The following DPP10 variants were observed in gnomAD, a reference collection of about 807,000 sequenced individuals.
DPP10 encodes the protein dipeptidyl peptidase like 10.
DPP10 carries 33 observed loss-of-function variants against 120.9 expected under a neutral mutation model. The ratio of observed to expected loss-of-function variants is 0.27; its 90% confidence interval spans 0.21 to 0.37. DPP10 has a LOEUF of 0.37. Ranked by LOEUF, DPP10 falls within the 10% of genes least tolerant of loss-of-function variation. The probability of loss-of-function intolerance (pLI) is 1.00; values close to 1 mark genes in which losing one functional copy is unlikely to be tolerated. For synonymous variants in DPP10, 337 were observed against 326.1 expected, an observed-to-expected ratio of 1.03 and a Z score of -0.36; for missense variants, 816 against 942.8, an observed-to-expected ratio of 0.87 and a Z score of 1.76.
rs182454437 is a variant in DPP10, at chr2:115,370,979, A to C, written c.271+27067A>C. On this transcript the variant is annotated intron_variant, in intron 3 of 25. Coordinates refer to ENST00000410059, the MANE Select transcript of DPP10 (RefSeq NM_020868.6). ...CAAAATAACTCCCATTTTTCTGCCCAAAGAGTTGTGAAGGCCTTTGTTATT... is the reference window on the plus strand; with the variant it reads ...CAAAATAACTCCCATTTTTCTGCCCCAAGAGTTGTGAAGGCCTTTGTTATT... Among the ~76,000 whole-genome samples, 77 of 152,266 alleles carry C rather than the reference A, an allele frequency of 5.1e-4. 2 individuals are homozygous for C. In the East Asian group the frequency reaches 0.014, roughly 27 times the overall value.
chr2:114,826,789 A>T, intron 1 of DPP10, among the ~76,000 whole-genome samples: 1 of 152,124 alleles, frequency 6.6e-6, no homozygotes, highest in Non-Finnish European at 1.5e-5. Context: ...CGGCCTCCCA[A>T]AGTGCTGGGA....
intron 1 of DPP10, among the ~76,000 whole-genome samples, chr2:115,275,976 C>T (rs371146035): frequency 3.9e-5 from 6 of 152,128 alleles, no homozygotes; most frequent in East Asian, 1.9e-4. Context: ...GCTGGGATTA[C>T]GGGCGTGAGC....
Position 115,298,260 on chromosome 2 carries a change from G to A in DPP10, c.61-10979G>A, listed in dbSNP as rs533822866. Among the ~76,000 whole-genome samples the A allele has an allele frequency of 2.6e-5, 4 of 152,152 alleles. No homozygotes were observed. The East Asian group carries it at 5.8e-4, about 22-fold the overall frequency. On this transcript the variant is annotated intron_variant, in intron 1 of 25. Transcript: ENST00000410059. ...GGAAGATTCATAAGCCTGATCATGT[G>A]TGTTAGGCATAACTAGTTAGGCTTA...
At chr2:115,253,196 A>G (rs1323127116) in intron 1 of DPP10, among the ~76,000 whole-genome samples, 1 of 152,074 alleles carries the variant, frequency 6.6e-6, no homozygotes, top group Non-Finnish European at 1.5e-5. Context: ...CACACACTTT[A>G]AACAACCAGA....
chr2:114,578,950 C>G (rs1690274937), intron 1 of DPP10, among the ~76,000 whole-genome samples: 1 of 152,202 alleles, frequency 6.6e-6, no homozygotes, highest in Non-Finnish European at 1.5e-5. Flanking sequence ...TTGGATCTAA[C>G]ATAGGCATCC....
At chr2:115,815,791 T>C (rs1212696067) in intron 21 of DPP10, 62 bp downstream of exon 21, 2 of 1,495,334 alleles carry the variant, frequency 1.3e-6, no homozygotes, top group Non-Finnish European at 1.8e-6. Context: ...AATATCCTAT[T>C]ACACATTCAC....
At chr2:115,407,363 C>T (rs1431067481) in intron 3 of DPP10, among the ~76,000 whole-genome samples, 4 of 152,100 alleles carry the variant, frequency 2.6e-5, no homozygotes, top group Non-Finnish European at 5.9e-5. Flanking sequence ...TCTAACTGCC[C>T]TTAGAATAAG....
At chr2:114,626,847 C>T (rs1694552231) in intron 1 of DPP10, among the ~76,000 whole-genome samples, 1 of 152,108 alleles carries the variant, frequency 6.6e-6, no homozygotes, top group African/African-American at 2.4e-5. Flanking sequence ...TAAGAGATCA[C>T]TTAATACTTG....
chr2:115,419,625 A>G (rs2069753563), intron 3 of DPP10, among the ~76,000 whole-genome samples: 1 of 152,124 alleles, frequency 6.6e-6, no homozygotes, highest in African/African-American at 2.4e-5. Context: ...ATATCCAACC[A>G]GTATCAAATG....
chr2:115,357,327 T>C (rs2064457104), intron 3 of DPP10, among the ~76,000 whole-genome samples: 1 of 152,232 alleles, frequency 6.6e-6, no homozygotes, highest in African/African-American at 2.4e-5. Context: ...AATATACCCA[T>C]TCCAAATGAG....
intron 3 of DPP10, among the ~76,000 whole-genome samples, chr2:115,424,574 A>G (rs140886913): frequency 3.9e-5 from 6 of 152,146 alleles, no homozygotes; most frequent in Non-Finnish European, 8.8e-5. Context: ...ATTGCTTTGT[A>G]GTCACTTTGT....
intron 1 of DPP10, among the ~76,000 whole-genome samples, chr2:114,480,782 C>T (rs1181341636): frequency 6.6e-6 from 1 of 151,736 alleles, no homozygotes. Flanking sequence ...GGGTGCAGCA[C>T]ACCAACATGG....
chr2:115,809,735 C>G (rs1403903333), intron 19 of DPP10, among the ~76,000 whole-genome samples: 1 of 152,132 alleles, frequency 6.6e-6, no homozygotes, highest in Non-Finnish European at 1.5e-5. Flanking sequence ...TTCCACTGCC[C>G]CAGTGGACAC....
chr2:115,474,547 A>T (rs2074946633), intron 3 of DPP10, among the ~76,000 whole-genome samples: 1 of 152,282 alleles, frequency 6.6e-6, no homozygotes. Flanking sequence ...CTTAAGAGTG[A>T]TGGATTAGGG....
At chr2:114,890,989 C>G (rs959289738) in intron 1 of DPP10, among the ~76,000 whole-genome samples, 3 of 152,114 alleles carry the variant, frequency 2.0e-5, no homozygotes, top group Non-Finnish European at 2.9e-5. Flanking sequence ...CGAGTTTTAT[C>G]TGCTACTGGT....
intron 1 of DPP10, chr2:115,162,044 C>T (rs1253689482): frequency 1.4e-6 from 2 of 1,416,426 alleles, no homozygotes; most frequent in Non-Finnish European, 1.8e-6. Context: ...AGTCGGCAGC[C>T]GCGGCCAGGC....
intron 1 of DPP10, among the ~76,000 whole-genome samples, chr2:115,182,274 A>G (rs1336542291): frequency 3.3e-5 from 5 of 152,236 alleles, no homozygotes; most frequent in Non-Finnish European, 7.3e-5. Flanking sequence ...GGAAGGGACA[A>G]GTACACAGAA....
At chr2:115,827,959 G>T (rs1362737942) in intron 21 of DPP10, among the ~76,000 whole-genome samples, 1 of 151,988 alleles carries the variant, frequency 6.6e-6, no homozygotes, top group East Asian at 1.9e-4. Flanking sequence ...TATTTACCCA[G>T]GTGACTACCA....
chr2:115,840,690 T>C lies in DPP10; in HGVS notation c.2183-60T>C, dbSNP rs140075292. ...CACTGAATCTCTTTGAAAAATAATA[T>C]GAAAAAGTTCTCATACAAGCAGTGT... On this transcript the variant is annotated intron_variant, in intron 24 of 25. Coordinates refer to ENST00000410059, the MANE Select transcript of DPP10 (RefSeq NM_020868.6). The C allele has an allele frequency of 8.9e-4, 1,337 of 1,506,416 alleles. 19 individuals are homozygous for C. In the African/African-American group the frequency reaches 0.017, roughly 19 times the overall value. The allele number at this position is 1,506,416 out of a possible 1,614,324, so 93.3% of individuals were successfully genotyped here.
Sources: allele counts gnomAD v4.1 joint callset (sites outside exome capture counted in the v4.1 genomes callset), GRCh38; gene constraint gnomAD v4.1.1; transcripts MANE v1.5; gene names NCBI Gene and HGNC (gene_info 2026-07-23, HGNC 2026-07-21).